The following SMAD4 variants were observed in gnomAD, a reference collection of about 807,000 sequenced individuals.
SMAD4 encodes the protein SMAD family member 4.
A neutral mutation model predicts 63.2 loss-of-function variants in SMAD4; 7 were observed. The observed-to-expected ratio is 0.11, with a 90% confidence interval of 0.06 to 0.21. The LOEUF (loss-of-function observed/expected upper bound fraction) is 0.21, where lower values mean the gene tolerates loss of function less well. SMAD4 is among the 10% of genes least tolerant of loss of function. The pLI is 1.00. For missense variants in SMAD4, 312 were observed against 693.8 expected (o/e 0.45, Z 6.18); for synonymous variants, 215 against 235.4 (o/e 0.91, Z 0.79).
At chr18:51,076,852 T>C in intron 11 of SMAD4, 76 bp downstream of exon 11, 3 of 1,176,958 alleles carry the variant, frequency 2.5e-6, no homozygotes, top group Non-Finnish European at 3.6e-6. Flanking sequence ...TTGATTAGTT[T>C]CTTTGAGCAG....
intron 9 of SMAD4, chr18:51,066,803 T>C (rs1281996579): frequency 1.9e-6 from 1 of 526,182 alleles, no homozygotes. Flanking sequence ...TACTACATGC[T>C]CCTGACACAT....
At chr18:51,056,258 T>A (rs961440031) in intron 5 of SMAD4, among the ~76,000 whole-genome samples, 10 of 152,172 alleles carry the variant, frequency 6.6e-5, no homozygotes. Flanking sequence ...TACTTCTGTT[T>A]ATATTATCTG....
At chr18:51,038,277 G>A (rs1474889434) in intron 1 of SMAD4, among the ~76,000 whole-genome samples, 1 of 151,288 alleles carries the variant, frequency 6.6e-6, no homozygotes, top group African/African-American at 2.4e-5. Flanking sequence ...ATGAGGAAGT[G>A]TGTCAACACT....
rs1038770831 is a variant in SMAD4 at position 51,052,015 on chromosome 18, G to C, written c.454+2691G>C. Among the ~76,000 whole-genome samples the C allele has an allele frequency of 4.6e-5, 7 of 152,068 alleles. No homozygotes were observed. The South Asian group carries it at 1.5e-3, about 32-fold the overall frequency. On this transcript the variant is annotated intron_variant, in intron 4 of 11. Coordinates refer to ENST00000342988, the MANE Select transcript of SMAD4 (RefSeq NM_005359.6). ...TTTAGTAGAGATGGGGTTTCACCAT[G>C]TTGGCCGGCTGGTCTCGAACTCCTG...
At position 51,082,133 on chromosome 18, in the gene SMAD4, G is replaced by A. The variant is rs1910625593; in HGVS notation, c.*3666G>A. Reference sequence around the variant, plus strand: ...GAAAATGGCAAATTTAGGTTACGGAGGTAAATGAGTATATGAAAGCAATTA... The same window carrying A: ...GAAAATGGCAAATTTAGGTTACGGAAGTAAATGAGTATATGAAAGCAATTA... On this transcript the variant is annotated 3_prime_UTR_variant, in exon 12 of 12. Coordinates refer to ENST00000342988, the MANE Select transcript of SMAD4 (RefSeq NM_005359.6). 4.4e-6 allele frequency: 1 copy of A among 229,790 alleles called. No homozygotes were observed. Among genetic ancestry groups the A allele is most frequent in the Non-Finnish European group, 8.6e-6 (1 of 116,132 alleles). 14.2% of individuals were successfully genotyped at this position (229,790 alleles called of 1,614,324 possible).
At position 51,046,270 on chromosome 18, in the gene SMAD4, C is replaced by T. The variant is rs12455792; in HGVS notation, c.-127-650C>T. 0.39 allele frequency among the ~76,000 whole-genome samples: 58,875 copies of T among 151,938 alleles called. 11,504 individuals carry two copies. Among genetic ancestry groups the T allele is most frequent in the East Asian group, 0.45 (2,333 of 5,166 alleles). On this transcript the variant is annotated intron_variant, in intron 1 of 11. Transcript: ENST00000342988. ...AATTTCTCGGCTTCTTCAATACTTA[C>T]TATTGTCTTTTTGATATATCCATCT...
At chr18:51,054,501 C>T (rs1250755789) in intron 4 of SMAD4, 1 of 409,664 alleles carries the variant, frequency 2.4e-6, no homozygotes, top group Admixed American at 3.9e-5. Flanking sequence ...TGAGGAGTAC[C>T]TTTTTAGGAT....
intron 10 of SMAD4, among the ~76,000 whole-genome samples, chr18:51,072,712 T>C (rs1910350655): frequency 6.6e-6 from 1 of 152,224 alleles, no homozygotes; most frequent in African/African-American, 2.4e-5. Context: ...AGTAACGGTT[T>C]TGTAATAAAT....
At chr18:51,073,828 G>A (rs1467474020) in intron 10 of SMAD4, among the ~76,000 whole-genome samples, 1 of 151,962 alleles carries the variant, frequency 6.6e-6, no homozygotes, top group Non-Finnish European at 1.5e-5. Flanking sequence ...ACTGTGCCTG[G>A]CCAAGAGAAA....
chr18:51,078,231 A>G, intron 11 of SMAD4, 25 bp from the exon 12 acceptor site: 1 of 1,595,268 alleles, frequency 6.3e-7, no homozygotes, highest in Non-Finnish European at 8.6e-7. Context: ...TGTCCCTCTG[A>G]TGTCTTCCAA....
chr18:51,075,448 G>A (rs1302090123), intron 10 of SMAD4, among the ~76,000 whole-genome samples: 2 of 152,164 alleles, frequency 1.3e-5, no homozygotes, highest in African/African-American at 2.4e-5. Context: ...TTTAGATAGG[G>A]AGTATAGCCA....
chr18:51,064,704 T>G (rs1444584831), intron 8 of SMAD4, among the ~76,000 whole-genome samples: 4 of 152,232 alleles, frequency 2.6e-5, no homozygotes, highest in Non-Finnish European at 5.9e-5. Context: ...ATGAGTACAC[T>G]AAATACATCT....
chr18:51,067,971 A>G (rs577719426), intron 10 of SMAD4, among the ~76,000 whole-genome samples: 178 of 152,314 alleles, frequency 1.2e-3, no homozygotes, highest in African/African-American at 3.8e-3. Flanking sequence ...TTTGAAAGAG[A>G]AAGGCAGTTG....
intron 1 of SMAD4, among the ~76,000 whole-genome samples, chr18:51,039,803 G>A (rs1909320099): frequency 6.6e-6 from 1 of 151,956 alleles, no homozygotes; most frequent in African/African-American, 2.4e-5. Context: ...TTAAACTGAA[G>A]GTGGCATACC....
At chr18:51,075,629 A>T (rs2144471417) in intron 10 of SMAD4, among the ~76,000 whole-genome samples, 1 of 152,290 alleles carries the variant, frequency 6.6e-6, no homozygotes, top group East Asian at 1.9e-4. Flanking sequence ...CCAGAAAAAA[A>T]GGTGATGTGA....
intron 10 of SMAD4, among the ~76,000 whole-genome samples, chr18:51,073,388 T>TATATATATATATACAC (rs1417299090): frequency 2.8e-4 from 18 of 64,154 alleles, no homozygotes; most frequent in African/African-American, 9.9e-4. Context: ...TATATATATA[T>TATATATATATATACAC]ACACACACAC....
intron 10 of SMAD4, among the ~76,000 whole-genome samples, chr18:51,072,027 CT>C: frequency 6.6e-6 from 1 of 152,144 alleles, no homozygotes; most frequent in East Asian, 1.9e-4. Flanking sequence ...TTGATTTCCA[CT>C]TTTTGGCTAT....
intron 1 of SMAD4, among the ~76,000 whole-genome samples, chr18:51,035,341 C>T (rs533468191): frequency 6.6e-6 from 1 of 151,974 alleles, no homozygotes; most frequent in Non-Finnish European, 1.5e-5. Flanking sequence ...TACTTGTACT[C>T]CTTTTGGAGA....
chr18:51,056,678 T>C (rs2144423526), intron 5 of SMAD4, among the ~76,000 whole-genome samples: 1 of 147,798 alleles, frequency 6.8e-6, no homozygotes, highest in South Asian at 2.2e-4. Context: ...AGTATATTGA[T>C]GAAAAGAAGT....
Sources: allele counts gnomAD v4.1 joint callset (sites outside exome capture counted in the v4.1 genomes callset), GRCh38; gene constraint gnomAD v4.1.1; transcripts MANE v1.5; gene names NCBI Gene and HGNC (gene_info 2026-07-23, HGNC 2026-07-21).